HDAC1: variants seen among roughly 807,000 people sequenced by gnomAD.
HDAC1 encodes the protein histone deacetylase 1, also known as protein deacetylase HDAC1.
Under a neutral mutation model 65.5 loss-of-function variants are expected in HDAC1, and 18 were observed. The observed-to-expected ratio is 0.27, with a 90% CI of 0.19 to 0.41. The LOEUF is 0.41. Among genes scored for constraint, HDAC1 ranks in the 10% least tolerant of loss-of-function variants. HDAC1 has a pLI of 1.00. For missense variants in HDAC1, 373 were observed against 625.2 expected, an observed-to-expected ratio of 0.60 and a Z score of 4.30; for synonymous variants, 211 against 227.9, an observed-to-expected ratio of 0.93 and a Z score of 0.67.
chr1:32,317,063 C>T (rs1641074641), intron 3 of HDAC1, among the ~76,000 whole-genome samples: 1 of 152,264 alleles, frequency 6.6e-6, no homozygotes, highest in Non-Finnish European at 1.5e-5. Flanking sequence ...GACGGGGAGA[C>T]AATAGATACA....
chr1:32,325,976 G>A lies in HDAC1; in HGVS notation c.356-963G>A, dbSNP rs1641212082. On this transcript the variant is annotated intron_variant, in intron 4 of 13. Coordinates refer to ENST00000373548, the MANE Select transcript of HDAC1 (RefSeq NM_004964.3). ...TGGGAGGCGGAGGTTGCAGTGAGCC[G>A]AGATCGCGCCACTGCACTTCAGCCT... Among the ~76,000 whole-genome samples, 3 of 151,722 alleles carry A rather than the reference G, an allele frequency of 2.0e-5. No homozygotes were observed. The South Asian group carries it at 6.3e-4, about 32-fold the overall frequency.
At chr1:32,314,046 C>T (rs920606051) in intron 2 of HDAC1, among the ~76,000 whole-genome samples, 3 of 152,174 alleles carry the variant, frequency 2.0e-5, no homozygotes, top group African/African-American at 7.2e-5. Context: ...AGCGAGCCTG[C>T]CATATTTGTT....
intron 1 of HDAC1, among the ~76,000 whole-genome samples, chr1:32,297,625 G>A (rs528373479): frequency 5.3e-5 from 8 of 151,124 alleles, no homozygotes; most frequent in Non-Finnish European, 5.9e-5. Context: ...CTTTTTTTGC[G>A]GGGGGGACGG....
rs140106117 is a variant in HDAC1 at position 32,329,163 on chromosome 1, A to G, written c.729+3A>G. 4.4e-5 allele frequency: 70 copies of G among 1,586,074 alleles called. No individual in the cohort carries two copies. The African/African-American group carries it at 7.7e-4, about 17-fold the overall frequency. ...CCTATGAGGCCATTTTCAAGCCGGT[A>G]AGTGGCTTTATCCACCCCTTGGGCT... On this transcript the variant is annotated splice_donor_region_variant and intron_variant, in intron 7 of 13. Coordinates refer to ENST00000373548, the MANE Select transcript of HDAC1 (RefSeq NM_004964.3). This position sits in a 1 kb window ranked among gnomAD's most constrained non-coding sequence, Gnocchi z 4.1.
chr1:32,322,102 C>G (rs1641155352), intron 3 of HDAC1, among the ~76,000 whole-genome samples: 1 of 152,104 alleles, frequency 6.6e-6, no homozygotes, highest in Non-Finnish European at 1.5e-5. Flanking sequence ...TGAGATTTTA[C>G]CAGCACAATC....
At position 32,327,344 on chromosome 1, in the gene HDAC1, C is replaced by G; in HGVS notation, c.495-192C>G. On this transcript the variant is annotated intron_variant, in intron 5 of 13. Coordinates refer to ENST00000373548, the MANE Select transcript of HDAC1 (RefSeq NM_004964.3). This position sits in a 1 kb window ranked among gnomAD's most constrained non-coding sequence, Gnocchi z 6.0. ...GACCCTGGCTGTAGAGTAGGAAGAT[C>G]GGACTTGGTCGGCTTGGTCAGGCCT... 1.6e-6 allele frequency: 1 copy of G among 626,270 alleles called. No homozygotes were observed. Among genetic ancestry groups the G allele is most frequent in the African/African-American group, 1.8e-5 (1 of 54,628 alleles). 38.8% of individuals were successfully genotyped at this position (626,270 alleles called of 1,614,324 possible). A position where few individuals can be genotyped will look rare whatever the true frequency, so the allele number is the denominator to read the frequency against.
chr1:32,331,651 T>G lies in HDAC1; in HGVS notation c.1089-25T>G, dbSNP rs373199595. On this transcript the variant is annotated intron_variant, in intron 10 of 13. Transcript: ENST00000373548. The surrounding 1 kb of genome is among the most constrained non-coding windows in gnomAD (Gnocchi z 4.2). ...TTTGGTTTGTCCCTGACCAGAGCCC[T>G]GCTACTCTCTCCCATTGGCCACAGA... is the stretch of plus-strand genomic sequence containing the variant. 5.0e-6 allele frequency: 8 copies of G among 1,613,280 alleles called. No individual in the cohort carries two copies. The African/African-American group carries it at 1.1e-4, about 22-fold the overall frequency.
At chr1:32,313,082 TTTTA>T (rs35808493) in intron 2 of HDAC1, among the ~76,000 whole-genome samples, 71 of 148,504 alleles carry the variant, frequency 4.8e-4, no homozygotes, top group African/African-American at 1.4e-3. Flanking sequence ...ACTTATTTTA[TTTTA>T]TTTATTTATT....
At chr1:32,316,475 G>C (rs1641065951) in intron 2 of HDAC1, among the ~76,000 whole-genome samples, 190 bp from the exon 3 acceptor site, 1 of 152,134 alleles carries the variant, frequency 6.6e-6, no homozygotes. Context: ...CTGATACTCT[G>C]TCTCCTTTGA....
rs887109433 is a variant in HDAC1, at chr1:32,332,554, G to A, written c.1373-147G>A. 8.9e-6 allele frequency: 6 copies of A among 675,748 alleles called. No individual in the cohort carries two copies. In the African/African-American group the frequency reaches 9.1e-5, roughly 10 times the overall value. 41.9% of individuals were successfully genotyped at this position (675,748 alleles called of 1,614,324 possible). A position where few individuals can be genotyped will look rare whatever the true frequency, so the allele number is the denominator to read the frequency against. Reference sequence around the variant, plus strand: ...AACCAGTCCAACCTGTTCTCAACAGGGCTCACTGGGAGGACCAGGGATGGG... The same window carrying A: ...AACCAGTCCAACCTGTTCTCAACAGAGCTCACTGGGAGGACCAGGGATGGG... On this transcript the variant is annotated intron_variant, in intron 12 of 13. Coordinates refer to ENST00000373548, the MANE Select transcript of HDAC1 (RefSeq NM_004964.3).
chr1:32,304,413 TCTCTGCTCCCGAGAG>T (rs1390397168), intron 2 of HDAC1, among the ~76,000 whole-genome samples: 1 of 152,026 alleles, frequency 6.6e-6, no homozygotes, highest in Non-Finnish European at 1.5e-5. Context: ...GAGCAGACTA[TCTCTGCTCCCGAGAG>T]CTCTGCTCCC....
At chr1:32,292,330 A>G in intron 1 of HDAC1, 112 bp downstream of exon 1, 2 of 1,516,684 alleles carry the variant, frequency 1.3e-6, no homozygotes, top group African/African-American at 1.4e-5. Flanking sequence ...CGCTGGGGAG[A>G]GGCTCGGAGA....
In HDAC1 at chr1:32,329,566, C is replaced by A; in HGVS notation, c.729+406C>A. On this transcript the variant is annotated intron_variant, in intron 7 of 13. Transcript: ENST00000373548. The surrounding 1 kb of genome is among the most constrained non-coding windows in gnomAD (Gnocchi z 4.1). ...CCTCATTGCCTTACATTGATGTCTGCACATTAGAAGAAGTAGGGACTTACT... is the reference window on the plus strand; with the variant it reads ...CCTCATTGCCTTACATTGATGTCTGAACATTAGAAGAAGTAGGGACTTACT... 4.1e-6 allele frequency: 1 copy of A among 241,322 alleles called. No individual in the cohort carries two copies. Among genetic ancestry groups the A allele is most frequent in the Non-Finnish European group, 8.3e-6 (1 of 120,916 alleles). The allele number at this position is 241,322 out of a possible 1,614,324, so 14.9% of individuals were successfully genotyped here. A position where few individuals can be genotyped will look rare whatever the true frequency, so the allele number is the denominator to read the frequency against.
intron 2 of HDAC1, among the ~76,000 whole-genome samples, chr1:32,314,664 A>C (rs1485089830): frequency 6.6e-6 from 1 of 152,022 alleles, no homozygotes; most frequent in Admixed American, 6.6e-5. Flanking sequence ...ATCTCTACTA[A>C]ATGTACAAAA....
At chr1:32,305,469 C>T (rs911120586) in intron 2 of HDAC1, among the ~76,000 whole-genome samples, 3 of 152,132 alleles carry the variant, frequency 2.0e-5, no homozygotes, top group African/African-American at 7.2e-5. Flanking sequence ...TGAGTCCTTG[C>T]CAACACTTGA....
At chr1:32,319,917 TA>T (rs958927808) in intron 3 of HDAC1, among the ~76,000 whole-genome samples, 19 of 145,774 alleles carry the variant, frequency 1.3e-4, no homozygotes, top group African/African-American at 4.3e-4. Context: ...CTCGTCTCAA[TA>T]AAAAAAAAAC....
chr1:32,301,015 C>T (rs950376989), intron 1 of HDAC1, among the ~76,000 whole-genome samples: 1 of 151,982 alleles, frequency 6.6e-6, no homozygotes, highest in Admixed American at 6.6e-5. Flanking sequence ...TCCCAAGGGC[C>T]ATAGTTTGCC....
intron 2 of HDAC1, among the ~76,000 whole-genome samples, chr1:32,309,601 C>A (rs969025816): frequency 7.3e-5 from 11 of 150,350 alleles, no homozygotes; most frequent in African/African-American, 2.7e-4. Flanking sequence ...GCAGGAAAAT[C>A]GCTTGAACCT....
chr1:32,323,379 C>T (rs1335280327), intron 3 of HDAC1, among the ~76,000 whole-genome samples: 1 of 151,992 alleles, frequency 6.6e-6, no homozygotes, highest in Non-Finnish European at 1.5e-5. Flanking sequence ...CTCTCTGAAC[C>T]TGTTTCCCTA....
Sources: gnomAD v4.1 joint callset for allele counts (sites outside exome capture counted in the v4.1 genomes callset) on GRCh38, gnomAD v4.1.1 for gene constraint, Gnocchi (gnomAD v3.1) non-coding constraint, MANE v1.5 for transcripts, NCBI Gene and HGNC (gene_info 2026-07-23, HGNC 2026-07-21) for gene names.